DAAM1: variants seen among roughly 807,000 people sequenced by gnomAD.
DAAM1 encodes disheveled-associated activator of morphogenesis 1.
A neutral mutation model predicts 130.0 loss-of-function variants in DAAM1; 52 were observed. The observed-to-expected ratio is 0.40, with a 90% CI of 0.32 to 0.50. The LOEUF is 0.50. Among genes scored for constraint, DAAM1 ranks in the 20% least tolerant of loss-of-function variants. The probability of loss-of-function intolerance (pLI) is 0.61; values close to 1 mark genes in which losing one functional copy is unlikely to be tolerated. For synonymous variants in DAAM1, 452 were observed against 444.5 expected, an observed-to-expected ratio of 1.02 and a Z score of -0.21; for missense variants, 1,134 against 1,303.8, an observed-to-expected ratio of 0.87 and a Z score of 2.01.
intron 1 of DAAM1, among the ~76,000 whole-genome samples, chr14:59,238,696 G>A (rs761082477): frequency 6.6e-6 from 1 of 152,162 alleles, no homozygotes; most frequent in Admixed American, 6.5e-5. Flanking sequence ...TGACTGTTCA[G>A]ATGAACAGAG....
At chr14:59,326,838 C>T (rs2139626615) in intron 11 of DAAM1, 95 bp from the exon 12 acceptor site, 2 of 1,555,398 alleles carry the variant, frequency 1.3e-6, no homozygotes, top group Non-Finnish European at 1.8e-6. Flanking sequence ...TGAGGATTTT[C>T]TCTGCAGTAG....
intron 1 of DAAM1, among the ~76,000 whole-genome samples, chr14:59,214,508 C>T (rs138676254): frequency 2.0e-5 from 3 of 152,202 alleles, no homozygotes; most frequent in African/African-American, 4.8e-5. Flanking sequence ...TTTGACAGAT[C>T]GACCTCAACC....
At chr14:59,256,057 A>G (rs1311445720) in intron 1 of DAAM1, among the ~76,000 whole-genome samples, 1 of 152,068 alleles carries the variant, frequency 6.6e-6, no homozygotes, top group Non-Finnish European at 1.5e-5. Context: ...CAGTCTGGAC[A>G]GTCATCTTAT....
At chr14:59,200,587 T>A (rs778533182) in intron 1 of DAAM1, among the ~76,000 whole-genome samples, 1 of 152,198 alleles carries the variant, frequency 6.6e-6, no homozygotes, top group South Asian at 2.1e-4. Flanking sequence ...GAAAATGTTA[T>A]AAGGTTTTAA....
chr14:59,350,041 CCTT>C (rs1231279458), intron 17 of DAAM1, among the ~76,000 whole-genome samples: 1 of 152,032 alleles, frequency 6.6e-6, no homozygotes, highest in Admixed American at 6.5e-5. Flanking sequence ...CTTTTTCTTC[CCTT>C]CTTCTTGCCT....
chr14:59,235,269 G>A (rs1889256861), intron 1 of DAAM1, among the ~76,000 whole-genome samples: 1 of 152,066 alleles, frequency 6.6e-6, no homozygotes, highest in Non-Finnish European at 1.5e-5. Flanking sequence ...AATCCATCTG[G>A]TCCTGAGCTT....
At chr14:59,338,234 C>A in intron 15 of DAAM1, 1 of 712,034 alleles carries the variant, frequency 1.4e-6, no homozygotes, top group South Asian at 1.9e-5. Flanking sequence ...TCATCTTCAT[C>A]AACTCTCATT....
At chr14:59,304,337 A>G (rs1337138450) in intron 3 of DAAM1, among the ~76,000 whole-genome samples, 1 of 152,210 alleles carries the variant, frequency 6.6e-6, no homozygotes, top group Non-Finnish European at 1.5e-5. Context: ...TGCGCATTTC[A>G]GAATTTCTCC....
chr14:59,233,975 G>A (rs1889202838), intron 1 of DAAM1, among the ~76,000 whole-genome samples: 2 of 152,130 alleles, frequency 1.3e-5, no homozygotes, highest in Admixed American at 1.3e-4. Context: ...TCTCTGTTCT[G>A]TTCCATTGGT....
intron 13 of DAAM1, 138 bp from the exon 14 acceptor site, chr14:59,331,071 C>G: frequency 7.0e-7 from 1 of 1,427,784 alleles, no homozygotes; most frequent in South Asian, 1.5e-5. Flanking sequence ...GTCCATTCGA[C>G]TTTACCGATC....
intron 1 of DAAM1, among the ~76,000 whole-genome samples, chr14:59,222,574 C>G (rs924569967): frequency 6.6e-6 from 1 of 152,178 alleles, no homozygotes; most frequent in Non-Finnish European, 1.5e-5. Context: ...TGCCTAACCT[C>G]CATCCCTGCC....
At chr14:59,355,861 T>G (rs766815624) in intron 20 of DAAM1, among the ~76,000 whole-genome samples, 2 of 152,178 alleles carry the variant, frequency 1.3e-5, no homozygotes, top group Non-Finnish European at 2.9e-5. Context: ...TTTGGGGTTT[T>G]TAGGTTGTGT....
At chr14:59,255,664 C>G (rs918573889) in intron 1 of DAAM1, among the ~76,000 whole-genome samples, 4 of 152,142 alleles carry the variant, frequency 2.6e-5, no homozygotes, top group African/African-American at 4.8e-5. Flanking sequence ...GTCCCCCAAC[C>G]TTTCTCTTTA....
chr14:59,289,154 A>G (rs1883604637), intron 2 of DAAM1, among the ~76,000 whole-genome samples: 1 of 152,070 alleles, frequency 6.6e-6, no homozygotes, highest in African/African-American at 2.4e-5. Flanking sequence ...TGACCTCGTG[A>G]TCTGCCCGCC....
intron 1 of DAAM1, among the ~76,000 whole-genome samples, chr14:59,255,388 A>T (rs1439520307): frequency 6.7e-6 from 1 of 150,356 alleles, no homozygotes; most frequent in Non-Finnish European, 1.5e-5. Context: ...ATATCCCGTG[A>T]TTTTTTTTTT....
chr14:59,198,972 A>G (rs1476816058), intron 1 of DAAM1, among the ~76,000 whole-genome samples: 5 of 152,270 alleles, frequency 3.3e-5, no homozygotes, highest in Non-Finnish European at 5.9e-5. Flanking sequence ...TCCTCTTAAA[A>G]TAATGACCTC....
intron 8 of DAAM1, among the ~76,000 whole-genome samples, chr14:59,325,189 A>G (rs1266378728): frequency 1.3e-5 from 2 of 151,996 alleles, no homozygotes; most frequent in African/African-American, 2.4e-5. Context: ...ATCATTTTCT[A>G]TTTCCTTTAC....
At chr14:59,207,083 AT>A (rs1381527809) in intron 1 of DAAM1, among the ~76,000 whole-genome samples, 2 of 152,196 alleles carry the variant, frequency 1.3e-5, no homozygotes, top group Non-Finnish European at 2.9e-5. Flanking sequence ...AACCAGTAAG[AT>A]GTTAAGGGTC....
chr14:59,201,635 C>T (rs116230720), intron 1 of DAAM1, among the ~76,000 whole-genome samples: 3 of 151,826 alleles, frequency 2.0e-5, no homozygotes, highest in Non-Finnish European at 4.4e-5. Flanking sequence ...CCTCACCCCC[C>T]TTCTAAAAAA....
Sources: gnomAD v4.1 joint callset for allele counts (sites outside exome capture counted in the v4.1 genomes callset) on GRCh38, gnomAD v4.1.1 for gene constraint, MANE v1.5 for transcripts, NCBI Gene and HGNC (gene_info 2026-07-23, HGNC 2026-07-21) for gene names.